Variants in IMMP2L observed in about 807,000 individuals in gnomAD.
IMMP2L encodes inner mitochondrial membrane peptidase subunit 2.
Under a neutral mutation model 19.3 loss-of-function variants are expected in IMMP2L, and 18 were observed. The ratio of observed to expected loss-of-function variants is 0.93; its 90% CI spans 0.64 to 1.38. The LOEUF (loss-of-function observed/expected upper bound fraction) is 1.38. Ranked by LOEUF, IMMP2L falls within the 40% of genes most tolerant of loss-of-function variation. The pLI, the probability that IMMP2L is intolerant of heterozygous loss-of-function variation, is 0.00. For synonymous variants in IMMP2L, 76 were observed against 73.0 expected (o/e 1.04, Z -0.21); for missense variants, 233 against 218.2 (o/e 1.07, Z -0.43).
intron 1 of IMMP2L, among the ~76,000 whole-genome samples, chr7:111,522,099 C>T (rs925140605): frequency 1.3e-5 from 2 of 152,046 alleles, no homozygotes; most frequent in Non-Finnish European, 2.9e-5. Context: ...GTCCGCAACA[C>T]CATGGAGGCA....
chr7:110,875,551 T>C (rs1384351176), intron 5 of IMMP2L, among the ~76,000 whole-genome samples: 1 of 152,160 alleles, frequency 6.6e-6, no homozygotes, highest in East Asian at 1.9e-4. Context: ...TTTTGTGAAA[T>C]GAAACAATTT....
At chr7:110,766,264 C>A (rs13236103) in intron 5 of IMMP2L, among the ~76,000 whole-genome samples, 48,313 of 151,862 alleles carry the variant, frequency 0.32, 7,908 homozygotes, top group Middle Eastern at 0.37. Flanking sequence ...TATTTGACTC[C>A]AATCTGGAAA....
chr7:110,971,229 T>G (rs1456329586), intron 3 of IMMP2L, among the ~76,000 whole-genome samples: 1 of 152,126 alleles, frequency 6.6e-6, no homozygotes, highest in Admixed American at 6.6e-5. Flanking sequence ...TTTGCCATGA[T>G]ATCAGTGATA....
chr7:111,093,449 T>G (rs547723573), intron 3 of IMMP2L, among the ~76,000 whole-genome samples: 1 of 152,338 alleles, frequency 6.6e-6, no homozygotes, highest in Non-Finnish European at 1.5e-5. Context: ...CTCAACCCTC[T>G]GATTTCAAAC....
At chr7:111,127,870 A>C (rs930990530) in intron 3 of IMMP2L, among the ~76,000 whole-genome samples, 2 of 152,236 alleles carry the variant, frequency 1.3e-5, no homozygotes, top group African/African-American at 4.8e-5. Context: ...AAATAAAATT[A>C]AGATTTTCTA....
intron 5 of IMMP2L, among the ~76,000 whole-genome samples, chr7:110,780,384 T>C (rs554784378): frequency 1.3e-5 from 2 of 151,702 alleles, no homozygotes; most frequent in South Asian, 2.1e-4. Context: ...AATTCACCAC[T>C]GGCAAGCATA....
intron 3 of IMMP2L, among the ~76,000 whole-genome samples, chr7:111,338,407 T>A (rs1826676337): frequency 6.6e-6 from 1 of 151,952 alleles, no homozygotes; most frequent in Non-Finnish European, 1.5e-5. Context: ...CCCCTGTCAT[T>A]CTAGTTACAG....
At chr7:111,226,450 G>A (rs949248136) in intron 3 of IMMP2L, among the ~76,000 whole-genome samples, 9 of 151,998 alleles carry the variant, frequency 5.9e-5, no homozygotes, top group South Asian at 4.1e-4. Flanking sequence ...TTACAGATGT[G>A]AGCCACCATG....
chr7:110,901,844 A>G (rs1285277972), intron 4 of IMMP2L, among the ~76,000 whole-genome samples: 3 of 152,192 alleles, frequency 2.0e-5, no homozygotes, highest in African/African-American at 4.8e-5. Flanking sequence ...AAACTAAAAT[A>G]TCTCAAAGAA....
rs538847855 is a variant in IMMP2L at position 111,339,678 on chromosome 7, A to G, written c.239+147560T>C. 8.5e-5 allele frequency among the ~76,000 whole-genome samples: 13 copies of G among 152,142 alleles called. No homozygotes were observed. The South Asian group carries it at 1.9e-3, about 22-fold the overall frequency. On this transcript the variant is annotated intron_variant, in intron 3 of 5. Transcript: ENST00000405709. ...ACTATTCAGTACAATTGAACATGAA[A>G]CAAAGATACAAAAGCTAGTAATGTT...
intron 4 of IMMP2L, among the ~76,000 whole-genome samples, chr7:110,932,896 T>C (rs1199325377): frequency 1.3e-5 from 2 of 152,164 alleles, no homozygotes; most frequent in African/African-American, 4.8e-5. Context: ...TTTGCGAGCA[T>C]GATATATGAC....
At chr7:111,032,026 C>T (rs544572462) in intron 3 of IMMP2L, among the ~76,000 whole-genome samples, 1 of 151,496 alleles carries the variant, frequency 6.6e-6, no homozygotes, top group Admixed American at 6.6e-5. Context: ...GCAACCTCCG[C>T]CTCCTGGGCT....
chr7:110,668,807 G>A (rs987010844), intron 5 of IMMP2L, among the ~76,000 whole-genome samples: 1 of 151,924 alleles, frequency 6.6e-6, no homozygotes, highest in Non-Finnish European at 1.5e-5. Flanking sequence ...ATAATAGAGA[G>A]AGAGAGAGTG....
intron 3 of IMMP2L, among the ~76,000 whole-genome samples, chr7:111,016,253 T>C (rs1192924762): frequency 2.0e-5 from 3 of 150,680 alleles, no homozygotes; most frequent in Middle Eastern, 3.4e-3. Context: ...GATAAGAATA[T>C]AGAATGAAGA....
chr7:111,312,176 A>G (rs1324779916), intron 3 of IMMP2L, among the ~76,000 whole-genome samples: 1 of 152,152 alleles, frequency 6.6e-6, no homozygotes, highest in Non-Finnish European at 1.5e-5. Context: ...AGGGAATTTA[A>G]TCTCCTTAGA....
intron 3 of IMMP2L, among the ~76,000 whole-genome samples, chr7:111,407,529 C>T (rs531389355): frequency 1.3e-5 from 2 of 151,974 alleles, no homozygotes; most frequent in African/African-American, 4.8e-5. Context: ...AGAAACATTA[C>T]ACTCAGGGAA....
intron 3 of IMMP2L, among the ~76,000 whole-genome samples, chr7:111,452,997 T>C (rs1382402740): frequency 1.3e-5 from 2 of 152,186 alleles, no homozygotes; most frequent in Admixed American, 1.3e-4. Context: ...GTAGGAGCTC[T>C]ACTGAATAAA....
At chr7:111,296,019 A>C (rs1359037553) in intron 3 of IMMP2L, among the ~76,000 whole-genome samples, 2 of 150,980 alleles carry the variant, frequency 1.3e-5, no homozygotes, top group Non-Finnish European at 3.0e-5. Context: ...AAATGAAAGA[A>C]ACAAATTGCT....
At chr7:111,256,273 C>T (rs1816688433) in intron 3 of IMMP2L, among the ~76,000 whole-genome samples, 1 of 152,002 alleles carries the variant, frequency 6.6e-6, no homozygotes, top group African/African-American at 2.4e-5. Context: ...AAAGGTTAAA[C>T]TTTGTTTTGC....
Sources: allele counts gnomAD v4.1 joint callset (sites outside exome capture counted in the v4.1 genomes callset), GRCh38; gene constraint gnomAD v4.1.1; transcripts MANE v1.5; gene names NCBI Gene and HGNC (gene_info 2026-07-23, HGNC 2026-07-21).